Variants in FAM98C observed in about 807,000 individuals in gnomAD.
FAM98C encodes the protein protein FAM98C.
FAM98C carries 38 observed loss-of-function variants against 41.1 expected under a neutral mutation model. The observed-to-expected ratio is 0.92, with a 90% CI of 0.71 to 1.21. The LOEUF (loss-of-function observed/expected upper bound fraction) is 1.21, where lower values mean the gene tolerates loss of function less well. FAM98C is among the 50% of genes most tolerant of loss of function. The pLI, the probability that FAM98C is intolerant of heterozygous loss-of-function variation, is 0.00. For synonymous variants in FAM98C, 195 were observed against 216.7 expected (o/e 0.90, Z 0.88); for missense variants, 493 against 484.7 (o/e 1.02, Z -0.16).
chr19:38,407,074 C>A lies in FAM98C; in HGVS notation c.915C>A (p.Asn305Lys). The stretch of plus-strand genomic sequence containing the variant: ...GCAGAGGGACCTGCTGTGCCATCAA[C>A]AAGGTGGGCATCTGGGGTAGGGAAG... ...AVRRGTCCAI[N>K]KVLMGNVPDR... Residue 305 changes from asparagine (N) to lysine (K), a missense_variant, in exon 7 of 8, where the codon AAC (asparagine) becomes AAA (lysine). Transcript: ENST00000252530. 1.9e-6 allele frequency: 3 copies of A among 1,612,912 alleles called. No homozygotes were observed. The highest frequency in any genetic ancestry group is 2.5e-6 in the Non-Finnish European group (3 of 1,179,198).
rs180979305 is a variant in FAM98C at position 38,406,949 on chromosome 19, C to T, written c.790C>T (p.Arg264Ter). 1.1e-4 allele frequency: 185 copies of T among 1,614,152 alleles called. 2 individuals are homozygous for T. In the African/African-American group the frequency reaches 1.9e-3, roughly 16 times the overall value. ...CATGAGGGCAGTGCTGATCCCAATT[C>T]GAGAGGTTCTGACCCCAGAATCGGA... ...EAMRAVLIPI[R>*]EVLTPESDIS... The change falls in exon 7 of 8, where the codon CGA becomes TGA. Residue 264 changes from arginine (R) to a stop codon, truncating the protein, a stop_gained. Transcript: ENST00000252530. LOFTEE classifies it high-confidence loss of function.
Position 38,408,858 on chromosome 19 carries a change from T to C in FAM98C, c.1026T>C (p.Gly342=). ...AGGATGGAGGCCCCCAGTGTTGGGG[T>C]CGCAAGAAGAAGAAGAAGAAGTAAA... is the stretch of plus-strand genomic sequence containing the variant. ...RREDGGPQCW[G]RKKKKKK Residue 342 remains glycine (G), a synonymous_variant, in exon 8 of 8, where the codon GGT becomes GGC. Transcript: ENST00000252530. 6.3e-7 allele frequency: 1 copy of C among 1,578,500 alleles called. No homozygotes were observed. Among genetic ancestry groups the C allele is most frequent in the Non-Finnish European group, 8.6e-7 (1 of 1,168,474 alleles).
chr19:38,405,828 G>T, intron 6 of FAM98C, 193 bp downstream of exon 6: 1 of 596,442 alleles, frequency 1.7e-6, no homozygotes, highest in Non-Finnish European at 3.0e-6. Context: ...CCAGCTCTGA[G>T]CTGGCAGTAT....
At chr19:38,405,231 G>A (rs1971021961) in intron 4 of FAM98C, 113 bp from the exon 5 acceptor site, 1 of 1,499,894 alleles carries the variant, frequency 6.7e-7, no homozygotes, top group Non-Finnish European at 9.1e-7. Context: ...TTCTGGAGCT[G>A]TGACTGGCAT....
chr19:38,406,163 T>A (rs1293461789), intron 6 of FAM98C: 1 of 151,976 alleles, frequency 6.6e-6, no homozygotes. Flanking sequence ...CCTTTTTTTT[T>A]TATTTTTTAT....
In FAM98C at chr19:38,406,952, G is replaced by A; in HGVS notation, c.793G>A (p.Glu265Lys). 1.2e-6 allele frequency: 2 copies of A among 1,614,208 alleles called. No individual in the cohort carries two copies. Among genetic ancestry groups the A allele is most frequent in the Non-Finnish European group, 1.7e-6 (2 of 1,180,034 alleles). ...GAGGGCAGTGCTGATCCCAATTCGA[G>A]AGGTTCTGACCCCAGAATCGGACAT... ...AMRAVLIPIREVLTPESDISI... is the reference protein window; with the variant it reads ...AMRAVLIPIRKVLTPESDISI... The change falls in exon 7 of 8, where the codon GAG becomes AAG. Residue 265 changes from glutamate (E) to lysine (K), a missense_variant. Physicochemically the swap from Glu to Lys is moderately conservative, Grantham distance 56. Coordinates refer to ENST00000252530, the MANE Select transcript of FAM98C (RefSeq NM_174905.4).
chr19:38,405,336 C>T lies in FAM98C; in HGVS notation c.556-8C>T. 2 of 1,613,382 alleles carry T rather than the reference C, an allele frequency of 1.2e-6. No homozygotes were observed. Among genetic ancestry groups the T allele is most frequent in the Non-Finnish European group, 8.5e-7 (1 of 1,179,702 alleles). Reference sequence around the variant, plus strand: ...CCCCAGTTGGCCTCTGACTTCTTCTCCCATCAGATCTCAGAGCTGCAGCCT... The same window carrying T: ...CCCCAGTTGGCCTCTGACTTCTTCTTCCATCAGATCTCAGAGCTGCAGCCT... On this transcript the variant is annotated splice_region_variant and splice_polypyrimidine_tract_variant and intron_variant, in intron 4 of 7. Transcript: ENST00000252530.
chr19:38,404,329 C>T (rs2145173977), intron 3 of FAM98C, among the ~76,000 whole-genome samples: 1 of 152,036 alleles, frequency 6.6e-6, no homozygotes, highest in South Asian at 2.1e-4. Context: ...CTCTGGAAGG[C>T]TTTAGGTGGG....
intron 6 of FAM98C, chr19:38,406,639 C>T: frequency 2.9e-6 from 1 of 349,886 alleles, no homozygotes; most frequent in Non-Finnish European, 5.2e-6. Flanking sequence ...AAAAAATTAG[C>T]TGGGCATGGT....
intron 3 of FAM98C, among the ~76,000 whole-genome samples, chr19:38,404,169 G>T (rs1316945904): frequency 6.6e-6 from 1 of 152,224 alleles, no homozygotes; most frequent in Non-Finnish European, 1.5e-5. Context: ...TGGGATTACA[G>T]GCGTGAGCCC....
In FAM98C at chr19:38,408,990, C is replaced by G; in HGVS notation, c.*108C>G. On this transcript the variant is annotated 3_prime_UTR_variant, in exon 8 of 8. Transcript: ENST00000252530. ...TTCCTTGGTATTTGGCACCCAAGCC[C>G]CCCATCTCCTATTCCTGAGTCCCCA... 1 of 1,254,292 alleles carries G rather than the reference C, an allele frequency of 8.0e-7. No homozygotes were observed. Among genetic ancestry groups the G allele is most frequent in the East Asian group, 2.7e-5 (1 of 37,408 alleles). 77.7% of individuals were successfully genotyped at this position (1,254,292 alleles called of 1,614,324 possible). A position where few individuals can be genotyped will look rare whatever the true frequency, so the allele number is the denominator to read the frequency against.
Position 38,405,133 on chromosome 19 carries a change from T to G in FAM98C, c.555+20T>G, listed in dbSNP as rs756129654. On this transcript the variant is annotated intron_variant, in intron 4 of 7. Coordinates refer to ENST00000252530, the MANE Select transcript of FAM98C (RefSeq NM_174905.4). ...GCTAAGGTAGAGAGTCAGAGTCCCC[T>G]CCCGACCTGGGCTACCCCACTTTCC... 1 of 1,596,272 alleles carries G rather than the reference T, an allele frequency of 6.3e-7. No homozygotes were observed. The highest frequency in any genetic ancestry group is 2.2e-5 in the East Asian group (1 of 44,468).
Position 38,403,670 on chromosome 19 carries a change from C to T in FAM98C, c.325C>T (p.Pro109Ser). 4 of 1,416,716 alleles carry T rather than the reference C, an allele frequency of 2.8e-6. No homozygotes were observed. The highest frequency in any genetic ancestry group is 3.7e-6 in the Non-Finnish European group (4 of 1,095,280). 87.8% of individuals were successfully genotyped at this position (1,416,716 alleles called of 1,614,324 possible). Residue 109 changes from proline (P) to serine (S), a missense_variant, in exon 3 of 8, where the codon CCC (proline) becomes TCC (serine). Coordinates refer to ENST00000252530, the MANE Select transcript of FAM98C (RefSeq NM_174905.4). Reference sequence around the variant, plus strand: ...GGATGGCGCGGCTGCGCTTCGGGAACCCGGTGCCGGACTGCGCCTGCTGCG... The same window carrying T: ...GGATGGCGCGGCTGCGCTTCGGGAATCCGGTGCCGGACTGCGCCTGCTGCG... Reference protein sequence around the residue: ...GGDGAAALREPGAGLRLLRFL... With the variant: ...GGDGAAALRESGAGLRLLRFL...
In FAM98C at chr19:38,408,723, C is replaced by T. The variant is rs377631455; in HGVS notation, c.919-28C>T. ...CCCTTGTCCAAGATACTTTTTTTCT[C>T]TGCAACTCAAATCTCATAAACTCTC... On this transcript the variant is annotated intron_variant, in intron 7 of 7. Coordinates refer to ENST00000252530, the MANE Select transcript of FAM98C (RefSeq NM_174905.4). 8.1e-6 allele frequency: 13 copies of T among 1,613,944 alleles called. No homozygotes were observed. The African/African-American group carries it at 1.7e-4, about 22-fold the overall frequency.
intron 6 of FAM98C, 74 bp from the exon 7 acceptor site, chr19:38,406,836 A>G (rs1971046067): frequency 2.0e-6 from 3 of 1,478,424 alleles, no homozygotes; most frequent in Non-Finnish European, 2.8e-6. Flanking sequence ...ATGGTAAAGT[A>G]ATGCTTCCAA....
chr19:38,407,496 G>T (rs562709827), intron 7 of FAM98C: 73 of 173,140 alleles, frequency 4.2e-4, no homozygotes, highest in African/African-American at 1.6e-3. Flanking sequence ...TCAGCCTACC[G>T]AGTAGCTAGG....
intron 3 of FAM98C, among the ~76,000 whole-genome samples, chr19:38,404,344 A>G (rs1971009020): frequency 6.6e-6 from 1 of 151,756 alleles, no homozygotes; most frequent in Non-Finnish European, 1.5e-5. Context: ...GGTGGGGGGG[A>G]CTAGAAGGTG....
At chr19:38,403,803 G>A in intron 3 of FAM98C, 109 bp downstream of exon 3, 2 of 1,277,580 alleles carry the variant, frequency 1.6e-6, no homozygotes, top group Non-Finnish European at 2.0e-6. Flanking sequence ...ACTTTGGGGC[G>A]GCCCAGAGGG....
rs538856972 is a variant in FAM98C at position 38,403,995 on chromosome 19, G to C, written c.349+301G>C. ...GGCTCACTGCAACCTCCACCTCCCAGGTTCAAGTGATTCTCTTGCCTCAGC... is the reference window on the plus strand; with the variant it reads ...GGCTCACTGCAACCTCCACCTCCCACGTTCAAGTGATTCTCTTGCCTCAGC... On this transcript the variant is annotated intron_variant, in intron 3 of 7. Transcript: ENST00000252530. Among the ~76,000 whole-genome samples the C allele has an allele frequency of 9.2e-5, 14 of 152,254 alleles. No homozygotes were observed. The South Asian group carries it at 2.7e-3, about 29-fold the overall frequency.
Sources: allele counts gnomAD v4.1 joint callset (sites outside exome capture counted in the v4.1 genomes callset), GRCh38; gene constraint gnomAD v4.1.1; transcripts MANE v1.5; gene names NCBI Gene and HGNC (gene_info 2026-07-23, HGNC 2026-07-21).